CAMSAP1: variants seen among roughly 807,000 people sequenced by gnomAD.
CAMSAP1 encodes calmodulin regulated spectrin associated protein 1.
CAMSAP1 carries 58 observed loss-of-function variants against 143.5 expected under a neutral mutation model. That is an observed-to-expected ratio of 0.40 (90% CI 0.33 to 0.50). CAMSAP1 has a LOEUF of 0.50. Among genes scored for constraint, CAMSAP1 ranks in the 20% least tolerant of loss-of-function variants. The pLI is 0.45. For synonymous variants in CAMSAP1, 945 were observed against 859.3 expected (o/e 1.10, Z -1.74); for missense variants, 1,969 against 2,115.7 (o/e 0.93, Z 1.36).
At chr9:135,860,374 G>C (rs1024827986) in intron 5 of CAMSAP1, among the ~76,000 whole-genome samples, 10 of 152,124 alleles carry the variant, frequency 6.6e-5, no homozygotes, top group Non-Finnish European at 1.2e-4. Context: ...AAGGCAGGTG[G>C]ATCACCTGAG....
rs1246837251 is a variant in CAMSAP1, at chr9:135,888,669, G to A, written c.161-5591C>T. ...AAGTCACCTCTGCAGAGGCCCCAAA[G>A]GTGAGTGTCTCCACCTGGAAAACGT... is the stretch of plus-strand genomic sequence containing the variant. On this transcript the variant is annotated intron_variant, in intron 1 of 16. Transcript: ENST00000389532. Among the ~76,000 whole-genome samples the A allele has an allele frequency of 2.0e-5, 3 of 152,192 alleles. No homozygotes were observed. The East Asian group carries it at 5.8e-4, about 29-fold the overall frequency.
intron 1 of CAMSAP1, among the ~76,000 whole-genome samples, chr9:135,900,554 G>A (rs1316659845): frequency 6.6e-6 from 1 of 151,728 alleles, no homozygotes; most frequent in Non-Finnish European, 1.5e-5. Flanking sequence ...AATTAGCCGG[G>A]CGTTGTGGCA....
chr9:135,883,972 T>C (rs2130989516), intron 1 of CAMSAP1, among the ~76,000 whole-genome samples: 1 of 152,262 alleles, frequency 6.6e-6, no homozygotes. Context: ...ACAGCTGGCC[T>C]CACCCACTTT....
chr9:135,881,357 C>CAA (rs757023319), intron 3 of CAMSAP1, among the ~76,000 whole-genome samples: 1 of 114,626 alleles, frequency 8.7e-6, no homozygotes, highest in African/African-American at 3.2e-5. Context: ...GACCCTGTCT[C>CAA]AAAAAAAAAA....
chr9:135,870,631 C>T (rs984293216), intron 3 of CAMSAP1, among the ~76,000 whole-genome samples: 2 of 151,946 alleles, frequency 1.3e-5, no homozygotes, highest in African/African-American at 4.8e-5. Flanking sequence ...CTTATCTCTA[C>T]AAAAAATAAA....
Position 135,883,270 on chromosome 9 carries a change from C to T in CAMSAP1, c.161-192G>A, listed in dbSNP as rs568730951. Among the ~76,000 whole-genome samples, 12 of 152,324 alleles carry T rather than the reference C, an allele frequency of 7.9e-5. No homozygotes were observed. In the South Asian group the frequency reaches 2.3e-3, roughly 29 times the overall value. ...CAACGTGAAAAGGCTCTAGGCTTTT[C>T]AATAATTCTACTGTCTTCTGTACTT... On this transcript the variant is annotated intron_variant, in intron 1 of 16. Coordinates refer to ENST00000389532, the MANE Select transcript of CAMSAP1 (RefSeq NM_015447.4).
In CAMSAP1 at chr9:135,809,632, A is replaced by C. The variant is rs1474131062; in HGVS notation, c.*1677T>G. ...TACATCTTAGTGCTTTCTTAAAATA[A>C]ATACAGTAATATCATATCAAACATA... is the stretch of plus-strand genomic sequence containing the variant. On this transcript the variant is annotated 3_prime_UTR_variant, in exon 17 of 17. Transcript: ENST00000389532. 1 of 152,676 alleles carries C rather than the reference A, an allele frequency of 6.5e-6. No homozygotes were observed. The highest frequency in any genetic ancestry group is 1.5e-5 in the Non-Finnish European group (1 of 68,044). The allele number at this position is 152,676 out of a possible 1,614,324, so 9.5% of individuals were successfully genotyped here.
chr9:135,815,380 G>T (rs1351803942), intron 15 of CAMSAP1, among the ~76,000 whole-genome samples, 165 bp from the exon 16 acceptor site: 1 of 152,092 alleles, frequency 6.6e-6, no homozygotes. Flanking sequence ...TTATTCAAAA[G>T]AATTTTAAGT....
At chr9:135,839,467 T>C (rs1035948226) in intron 7 of CAMSAP1, among the ~76,000 whole-genome samples, 1 of 152,170 alleles carries the variant, frequency 6.6e-6, no homozygotes, top group African/African-American at 2.4e-5. Context: ...TCCCATGGCC[T>C]ACAGGTATCA....
rs1316722702 is a variant in CAMSAP1, at chr9:135,811,076, A to G, written c.*233T>C. 1.7e-6 allele frequency: 1 copy of G among 572,214 alleles called. No homozygotes were observed. Among genetic ancestry groups the G allele is most frequent in the Non-Finnish European group, 3.1e-6 (1 of 323,874 alleles). 35.4% of individuals were successfully genotyped at this position (572,214 alleles called of 1,614,324 possible). ...CAGTGCGAGCCACTGCAAAAGCGGC[A>G]TCTACTCCCCCATCCTCACCCTGCC... On this transcript the variant is annotated 3_prime_UTR_variant, in exon 17 of 17. Transcript: ENST00000389532. This position sits in a 1 kb window ranked among gnomAD's most constrained non-coding sequence, Gnocchi z 4.9.
At chr9:135,852,173 G>A (rs893908155) in intron 5 of CAMSAP1, among the ~76,000 whole-genome samples, 4 of 152,126 alleles carry the variant, frequency 2.6e-5, no homozygotes, top group African/African-American at 9.7e-5. Context: ...TATCTGCCTT[G>A]GGCTGTGCAT....
intron 3 of CAMSAP1, among the ~76,000 whole-genome samples, chr9:135,877,653 T>A (rs137909563): frequency 0.014 from 2,182 of 151,598 alleles, 34 homozygotes; most frequent in African/African-American, 0.045. Flanking sequence ...TTAAAAAAAA[T>A]TTTTTTTAAT....
chr9:135,829,492 A>G (rs1835782736), intron 7 of CAMSAP1, among the ~76,000 whole-genome samples: 2 of 152,162 alleles, frequency 1.3e-5, no homozygotes, highest in South Asian at 2.1e-4. Flanking sequence ...ACTTCAGTCC[A>G]GCCTGGACAA....
chr9:135,831,369 C>T (rs781288819), intron 7 of CAMSAP1, among the ~76,000 whole-genome samples: 13 of 151,932 alleles, frequency 8.6e-5, no homozygotes, highest in Non-Finnish European at 1.8e-4. Context: ...TGTGGTGGCG[C>T]AGACCTGTAA....
In CAMSAP1 at chr9:135,823,098, G is replaced by A. The variant is rs1182351895; in HGVS notation, c.1563C>T (p.Ala521=). ...LTPQNQPHPT[A]TKSHGKSLLS... ...GGAGGCTCTTCCCGTGGCTCTTCGT[G>A]GCCGTGGGGTGTGGCTGGTTCTGTG... The change falls in exon 11 of 17, where the codon GCC becomes GCT. Residue 521 remains alanine, a synonymous_variant. Coordinates refer to ENST00000389532, the MANE Select transcript of CAMSAP1 (RefSeq NM_015447.4). The A allele has an allele frequency of 1.9e-6, 3 of 1,613,874 alleles. No homozygotes were observed. The highest frequency in any genetic ancestry group is 2.5e-6 in the Non-Finnish European group (3 of 1,179,918).
At chr9:135,859,672 G>C (rs1252790548) in intron 5 of CAMSAP1, among the ~76,000 whole-genome samples, 1 of 151,924 alleles carries the variant, frequency 6.6e-6, no homozygotes, top group Non-Finnish European at 1.5e-5. Context: ...GATTACAGGG[G>C]TGAGCCACCG....
In CAMSAP1 at chr9:135,811,056, C is replaced by T. The variant is rs1013155005; in HGVS notation, c.*253G>A. On this transcript the variant is annotated 3_prime_UTR_variant, in exon 17 of 17. Transcript: ENST00000389532. The surrounding 1 kb of genome is among the most constrained non-coding windows in gnomAD (Gnocchi z 4.9). ...GTGGTCAGCAGTGGCCACAGCAGTG[C>T]GAGCCACTGCAAAAGCGGCATCTAC... 10 of 528,926 alleles carry T rather than the reference C, an allele frequency of 1.9e-5. No homozygotes were observed. Among genetic ancestry groups the T allele is most frequent in the Admixed American group, 3.2e-5 (1 of 30,994 alleles). The allele number at this position is 528,926 out of a possible 1,614,324, so 32.8% of individuals were successfully genotyped here.
chr9:135,833,120 C>A (rs1355508925), intron 7 of CAMSAP1, among the ~76,000 whole-genome samples: 1 of 145,304 alleles, frequency 6.9e-6, no homozygotes. Context: ...CTCGCTCTGT[C>A]GCCCAGGCTG....
chr9:135,883,057 C>T lies in CAMSAP1; in HGVS notation c.182G>A (p.Arg61Lys), dbSNP rs934360188. 10 of 1,551,702 alleles carry T rather than the reference C, an allele frequency of 6.4e-6. No homozygotes were observed. Among genetic ancestry groups the T allele is most frequent in the South Asian group, 5.9e-5 (5 of 84,052 alleles). The change falls in exon 2 of 17, where the codon AGA becomes AAA. Residue 61 changes from arginine to lysine, a missense_variant. By Grantham distance (26) the Arg-to-Lys change is conservative. Transcript: ENST00000389532. Reference sequence around the variant, plus strand: ...ATACTGGTCAACGTAGAAAGGGTCTCTGAGGTCCTCAGGGATGTTATCTAA... The same window carrying T: ...ATACTGGTCAACGTAGAAAGGGTCTTTGAGGTCCTCAGGGATGTTATCTAA... ...YGRDNIPEDL[R>K]DPFYVDQYEQ...
Sources: gnomAD v4.1 joint callset for allele counts (sites outside exome capture counted in the v4.1 genomes callset) on GRCh38, gnomAD v4.1.1 for gene constraint, Gnocchi (gnomAD v3.1) non-coding constraint, MANE v1.5 for transcripts, NCBI Gene and HGNC (gene_info 2026-07-23, HGNC 2026-07-21) for gene names.